MACROD2: variants seen among roughly 807,000 people sequenced by gnomAD.
MACROD2 encodes mono-ADP ribosylhydrolase 2, also known as ADP-ribose glycohydrolase MACROD2.
MACROD2 carries 36 observed loss-of-function variants against 70.4 expected under a neutral mutation model. That is an observed-to-expected ratio of 0.51 (90% CI 0.39 to 0.68). The LOEUF (loss-of-function observed/expected upper bound fraction) is 0.68, where lower values mean the gene tolerates loss of function less well. Ranked by LOEUF, MACROD2 falls within the 30% of genes least tolerant of loss-of-function variation. The pLI, the probability that MACROD2 is intolerant of heterozygous loss-of-function variation, is 0.00. For synonymous variants in MACROD2, 172 were observed against 178.8 expected, an observed-to-expected ratio of 0.96 and a Z score of 0.30; for missense variants, 496 against 538.4, an observed-to-expected ratio of 0.92 and a Z score of 0.78.
At chr20:14,475,395 C>A (rs954066065) in intron 3 of MACROD2, among the ~76,000 whole-genome samples, 14 of 152,034 alleles carry the variant, frequency 9.2e-5, no homozygotes, top group African/African-American at 3.1e-4. Context: ...GGTTTACACA[C>A]CATGATTACA....
chr20:14,731,943 A>G (rs1165239594), intron 5 of MACROD2, among the ~76,000 whole-genome samples: 1 of 152,176 alleles, frequency 6.6e-6, no homozygotes, highest in African/African-American at 2.4e-5. Flanking sequence ...TTTATATGTT[A>G]ATTTATATTC....
intron 5 of MACROD2, among the ~76,000 whole-genome samples, chr20:14,713,890 A>G (rs1482674624): frequency 2.0e-5 from 3 of 152,174 alleles, no homozygotes; most frequent in Non-Finnish European, 2.9e-5. Context: ...GATAATTCTT[A>G]ATGGAAGCGG....
At chr20:15,724,959 G>A (rs1398204207) in intron 8 of MACROD2, among the ~76,000 whole-genome samples, 2 of 152,128 alleles carry the variant, frequency 1.3e-5, no homozygotes, top group African/African-American at 4.8e-5. Flanking sequence ...GCAGGCGCCT[G>A]TAGTCCCAGC....
intron 3 of MACROD2, among the ~76,000 whole-genome samples, chr20:14,295,743 C>G (rs1266204447): frequency 6.6e-6 from 1 of 151,906 alleles, no homozygotes; most frequent in Non-Finnish European, 1.5e-5. Context: ...ATCTCACAAG[C>G]AGTAGTTCCA....
chr20:14,207,263 A>G (rs866044547), intron 3 of MACROD2, among the ~76,000 whole-genome samples: 26 of 151,858 alleles, frequency 1.7e-4, no homozygotes, highest in African/African-American at 6.3e-4. Flanking sequence ...ACGCCCAGCT[A>G]ATTTTTGTGG....
At chr20:14,450,359 C>T (rs765950130) in intron 3 of MACROD2, among the ~76,000 whole-genome samples, 2 of 151,904 alleles carry the variant, frequency 1.3e-5, no homozygotes, top group Non-Finnish European at 2.9e-5. Flanking sequence ...AGGAAGTGAA[C>T]GTCAAATGAT....
At chr20:14,968,023 A>G (rs1366286443) in intron 5 of MACROD2, among the ~76,000 whole-genome samples, 1 of 152,062 alleles carries the variant, frequency 6.6e-6, no homozygotes, top group African/African-American at 2.4e-5. Flanking sequence ...GTTTTCGACA[A>G]CTCTAAATTT....
chr20:15,432,758 A>G (rs2046379066), intron 7 of MACROD2, among the ~76,000 whole-genome samples: 1 of 152,052 alleles, frequency 6.6e-6, no homozygotes, highest in African/African-American at 2.4e-5. Context: ...AATACTGTAT[A>G]CATCATTTTC....
At chr20:14,447,732 G>C (rs914104195) in intron 3 of MACROD2, among the ~76,000 whole-genome samples, 1 of 151,956 alleles carries the variant, frequency 6.6e-6, no homozygotes, top group Non-Finnish European at 1.5e-5. Context: ...CCAAAGGTCT[G>C]TGACTCCTGG....
intron 8 of MACROD2, among the ~76,000 whole-genome samples, chr20:15,716,542 A>G (rs548867913): frequency 6.6e-6 from 1 of 152,284 alleles, no homozygotes; most frequent in South Asian, 2.1e-4. Context: ...TGTACTCAAC[A>G]CTGAGTTTGA....
chr20:14,845,272 G>C (rs780671949), intron 5 of MACROD2, among the ~76,000 whole-genome samples: 6 of 152,084 alleles, frequency 3.9e-5, no homozygotes, highest in African/African-American at 7.2e-5. Flanking sequence ...TGACAGCCTA[G>C]TTACAATGAT....
At chr20:14,999,377 G>T (rs1003513135) in intron 5 of MACROD2, among the ~76,000 whole-genome samples, 1 of 152,226 alleles carries the variant, frequency 6.6e-6, no homozygotes, top group African/African-American at 2.4e-5. Flanking sequence ...TGAACATATA[G>T]GCCAGGTGCC....
chr20:14,467,520 C>T (rs1401385183), intron 3 of MACROD2, among the ~76,000 whole-genome samples: 1 of 152,088 alleles, frequency 6.6e-6, no homozygotes, highest in African/African-American at 2.4e-5. Flanking sequence ...TTGGCTCACG[C>T]ATGGTGCGCT....
intron 8 of MACROD2, among the ~76,000 whole-genome samples, chr20:15,846,156 T>C (rs1278853122): frequency 1.3e-5 from 2 of 152,154 alleles, no homozygotes; most frequent in Non-Finnish European, 2.9e-5. Flanking sequence ...TGGAATGCAG[T>C]TTTAAAATAA....
intron 5 of MACROD2, among the ~76,000 whole-genome samples, chr20:14,720,392 A>AG (rs1427701197): frequency 1.3e-5 from 2 of 152,168 alleles, no homozygotes; most frequent in Non-Finnish European, 2.9e-5. Context: ...CCAACCAACC[A>AG]GGGTGCTGAA....
At chr20:14,542,797 C>T (rs2085449813) in intron 4 of MACROD2, among the ~76,000 whole-genome samples, 1 of 152,096 alleles carries the variant, frequency 6.6e-6, no homozygotes, top group Non-Finnish European at 1.5e-5. Flanking sequence ...GTTCTTTCAA[C>T]TTTGCTGCAT....
At chr20:15,390,332 C>A (rs1455096576) in intron 6 of MACROD2, among the ~76,000 whole-genome samples, 1 of 152,164 alleles carries the variant, frequency 6.6e-6, no homozygotes, top group Non-Finnish European at 1.5e-5. Flanking sequence ...CTCTCTCCAC[C>A]CATCCAAGTT....
At position 14,504,490 on chromosome 20, in the gene MACROD2, A is replaced by T. The variant is rs187179421; in HGVS notation, c.301+10982A>T. 5.1e-4 allele frequency among the ~76,000 whole-genome samples: 78 copies of T among 152,288 alleles called. No individual in the cohort carries two copies. In the East Asian group the frequency reaches 6.0e-3, roughly 12 times the overall value. On this transcript the variant is annotated intron_variant, in intron 4 of 17. Coordinates refer to ENST00000684519, the MANE Select transcript of MACROD2 (RefSeq NM_001351661.2). ...AGTTCAAATTAACTTAGTATTACTT[A>T]TGGGAATAAGGAGTATATTCATGGA...
intron 8 of MACROD2, among the ~76,000 whole-genome samples, chr20:15,548,869 A>G (rs148840689): frequency 4.8e-4 from 73 of 152,310 alleles, no homozygotes; most frequent in Non-Finnish European, 3.4e-4. Context: ...AGAGATACAT[A>G]GACTCTCTGA....
Sources: gnomAD v4.1 joint callset for allele counts (sites outside exome capture counted in the v4.1 genomes callset) on GRCh38, gnomAD v4.1.1 for gene constraint, MANE v1.5 for transcripts, NCBI Gene and HGNC (gene_info 2026-07-23, HGNC 2026-07-21) for gene names.